The following SLC1A1 variants were observed in gnomAD, a reference collection of about 807,000 sequenced individuals.
SLC1A1 encodes solute carrier family 1 member 1, also known as excitatory amino acid transporter 3.
In SLC1A1, 43 loss-of-function variants were observed where a neutral mutation model predicts 53.3. That is an observed-to-expected ratio of 0.81 (90% CI 0.63 to 1.04). SLC1A1 has a LOEUF of 1.04. SLC1A1 is among the 50% of genes least tolerant of loss of function. SLC1A1 has a pLI of 0.00. For synonymous variants in SLC1A1, 307 were observed against 243.2 expected, an observed-to-expected ratio of 1.26 and a Z score of -2.44; for missense variants, 748 against 664.9, an observed-to-expected ratio of 1.12 and a Z score of -1.37.
chr9:4,567,885 G>A, intron 6 of SLC1A1, 118 bp downstream of exon 6: 3 of 756,156 alleles, frequency 4.0e-6, no homozygotes, highest in Non-Finnish European at 7.1e-6. Flanking sequence ...TCACCTACTT[G>A]CTAAAATTTA....
intron 2 of SLC1A1, among the ~76,000 whole-genome samples, chr9:4,551,249 G>C (rs1489931969): frequency 3.9e-5 from 6 of 152,124 alleles, no homozygotes; most frequent in African/African-American, 1.4e-4. Context: ...CATTTACTCA[G>C]AGGCAGCTGT....
rs192758765 is a variant in SLC1A1 at position 4,535,205 on chromosome 9, C to T, written c.92-9362C>T. 3.3e-5 allele frequency among the ~76,000 whole-genome samples: 5 copies of T among 152,186 alleles called. No homozygotes were observed. In the East Asian group the frequency reaches 9.7e-4, roughly 29 times the overall value. On this transcript the variant is annotated intron_variant, in intron 1 of 11. Transcript: ENST00000262352. ...TCAACATAGTGTTGGAAGTTCTGGC[C>T]AGGGCAATCAGGCTGGAGAAGGAAA...
intron 7 of SLC1A1, among the ~76,000 whole-genome samples, chr9:4,573,051 AC>A (rs1284706980): frequency 1.3e-5 from 2 of 152,120 alleles, no homozygotes; most frequent in African/African-American, 4.8e-5. Context: ...TCCCTATTGC[AC>A]CCCATGCAAA....
rs1818901957 is a variant in SLC1A1 at position 4,561,174 on chromosome 9, C to G, written c.233-275C>G. 2.6e-5 allele frequency among the ~76,000 whole-genome samples: 4 copies of G among 152,120 alleles called. No homozygotes were observed. The South Asian group carries it at 8.3e-4, about 32-fold the overall frequency. ...GGACAGGGACTCCTTATGATTATTT[C>G]CTGACCAACTCCAGGAAGATCTGAA... On this transcript the variant is annotated intron_variant, in intron 2 of 11. Coordinates refer to ENST00000262352, the MANE Select transcript of SLC1A1 (RefSeq NM_004170.6).
chr9:4,548,292 C>T (rs146480204), intron 2 of SLC1A1, among the ~76,000 whole-genome samples: 116 of 152,232 alleles, frequency 7.6e-4, no homozygotes, highest in African/African-American at 2.5e-3. Flanking sequence ...ACAGGAAGGG[C>T]CATTTCACAT....
Position 4,499,333 on chromosome 9 carries a change from C to T in SLC1A1, c.91+8563C>T, listed in dbSNP as rs757131081. Among the ~76,000 whole-genome samples the T allele has an allele frequency of 9.9e-5, 15 of 152,216 alleles. 1 individual carries two copies. The South Asian group carries it at 1.0e-3, about 11-fold the overall frequency. On this transcript the variant is annotated intron_variant, in intron 1 of 11. Coordinates refer to ENST00000262352, the MANE Select transcript of SLC1A1 (RefSeq NM_004170.6). The stretch of plus-strand genomic sequence containing the variant: ...GTGCTGGGATTACAGGCATGAGTCA[C>T]GGGGCCCAGCCATATATTATGTATC...
chr9:4,522,461 A>AG (rs2130834065), intron 1 of SLC1A1, among the ~76,000 whole-genome samples: 1 of 152,278 alleles, frequency 6.6e-6, no homozygotes, highest in Non-Finnish European at 1.5e-5. Context: ...ATGGTTATTC[A>AG]GCCTAATGTC....
chr9:4,542,703 T>C (rs1817124230), intron 1 of SLC1A1, among the ~76,000 whole-genome samples: 1 of 152,232 alleles, frequency 6.6e-6, no homozygotes, highest in South Asian at 2.1e-4. Flanking sequence ...GGTATGTTCA[T>C]ATAGAACAGC....
At chr9:4,524,094 G>C (rs1375411643) in intron 1 of SLC1A1, among the ~76,000 whole-genome samples, 2 of 152,154 alleles carry the variant, frequency 1.3e-5, no homozygotes, top group African/African-American at 4.8e-5. Context: ...GTATAAATTA[G>C]GTGATCTGTA....
chr9:4,545,463 G>A (rs570101921), intron 2 of SLC1A1, among the ~76,000 whole-genome samples: 1 of 152,180 alleles, frequency 6.6e-6, no homozygotes. Context: ...GTGTCCTCAG[G>A]AAAAATATAG....
intron 10 of SLC1A1, 74 bp from the exon 11 acceptor site, chr9:4,582,964 G>A: frequency 2.5e-6 from 4 of 1,589,914 alleles, no homozygotes; most frequent in Non-Finnish European, 1.7e-6. Context: ...CTAAGCGGGA[G>A]TAACCATTTC....
At chr9:4,493,265 T>C (rs545341269) in intron 1 of SLC1A1, among the ~76,000 whole-genome samples, 1 of 152,342 alleles carries the variant, frequency 6.6e-6, no homozygotes, top group East Asian at 1.9e-4. Context: ...ACCCCCGATA[T>C]GCCCATTAAC....
rs1033654214 is a variant in SLC1A1 at position 4,583,874 on chromosome 9, T to G, written c.1328+702T>G. ...ACACTTCTCTCTCTCTCTCTCTCTCTCTCTCTCTCACACACACACACACAC... is the reference window on the plus strand; with the variant it reads ...ACACTTCTCTCTCTCTCTCTCTCTCGCTCTCTCTCACACACACACACACAC... On this transcript the variant is annotated intron_variant, in intron 11 of 11. Coordinates refer to ENST00000262352, the MANE Select transcript of SLC1A1 (RefSeq NM_004170.6). This position sits in a 1 kb window ranked among gnomAD's most constrained non-coding sequence, Gnocchi z 4.6. Among the ~76,000 whole-genome samples the G allele has an allele frequency of 1.1e-4, 14 of 132,572 alleles. No homozygotes were observed. Among genetic ancestry groups the G allele is most frequent in the East Asian group, 8.5e-4 (4 of 4,700 alleles). 87.0% of individuals were successfully genotyped at this position (132,572 alleles called of 152,430 possible). A position where few individuals can be genotyped will look rare whatever the true frequency, so the allele number is the denominator to read the frequency against.
At chr9:4,546,451 G>T (rs1025431791) in intron 2 of SLC1A1, among the ~76,000 whole-genome samples, 1 of 151,898 alleles carries the variant, frequency 6.6e-6, no homozygotes, top group Non-Finnish European at 1.5e-5. Context: ...GAAGATCTGG[G>T]AACACTGGCC....
chr9:4,499,018 T>G (rs111927554), intron 1 of SLC1A1, among the ~76,000 whole-genome samples: 1 of 142,294 alleles, frequency 7.0e-6, no homozygotes, highest in Non-Finnish European at 1.5e-5. Context: ...TATATATATA[T>G]AAGATTACAT....
rs140280159 is a variant in SLC1A1, at chr9:4,569,964, G to T, written c.582+2197G>T. Among the ~76,000 whole-genome samples the T allele has an allele frequency of 1.6e-4, 24 of 152,332 alleles. No individual in the cohort carries two copies. The East Asian group carries it at 4.6e-3, about 29-fold the overall frequency. On this transcript the variant is annotated intron_variant, in intron 6 of 11. Coordinates refer to ENST00000262352, the MANE Select transcript of SLC1A1 (RefSeq NM_004170.6). ...ATCAGGAAGAATGGGATGTTTGGGA[G>T]GCATTCAGCAAGGGATGTTAAATTA...
At chr9:4,516,768 T>G (rs17755777) in intron 1 of SLC1A1, among the ~76,000 whole-genome samples, 1 of 152,090 alleles carries the variant, frequency 6.6e-6, no homozygotes, top group Admixed American at 6.6e-5. Flanking sequence ...TAACACACGG[T>G]TTATCTCATT....
chr9:4,531,835 C>G (rs565418425), intron 1 of SLC1A1, among the ~76,000 whole-genome samples: 2 of 152,270 alleles, frequency 1.3e-5, no homozygotes, highest in South Asian at 4.2e-4. Flanking sequence ...CCTCACATGG[C>G]AGGGTAACCC....
intron 1 of SLC1A1, among the ~76,000 whole-genome samples, chr9:4,509,200 G>C (rs1467545306): frequency 6.6e-6 from 1 of 152,150 alleles, no homozygotes; most frequent in Non-Finnish European, 1.5e-5. Flanking sequence ...AAAGCATGGA[G>C]CATCTTTAAG....
Sources: gnomAD v4.1 joint callset for allele counts (sites outside exome capture counted in the v4.1 genomes callset) on GRCh38, gnomAD v4.1.1 for gene constraint, Gnocchi (gnomAD v3.1) non-coding constraint, MANE v1.5 for transcripts, NCBI Gene and HGNC (gene_info 2026-07-23, HGNC 2026-07-21) for gene names.